The following WASHC5 variants were observed in gnomAD, a reference collection of about 807,000 sequenced individuals.
WASHC5 encodes the protein WASH complex subunit 5.
In WASHC5, 101 loss-of-function variants were observed where a neutral mutation model predicts 150.4. That is an observed-to-expected ratio of 0.67 (90% CI 0.57 to 0.79). WASHC5 has a LOEUF of 0.79. Ranked by LOEUF, WASHC5 falls within the 30% of genes least tolerant of loss-of-function variation. The pLI, the probability that WASHC5 is intolerant of heterozygous loss-of-function variation, is 0.00. For missense variants in WASHC5, 1,195 were observed against 1,396.3 expected, an observed-to-expected ratio of 0.86 and a Z score of 2.30; for synonymous variants, 467 against 491.2, an observed-to-expected ratio of 0.95 and a Z score of 0.65.
intron 27 of WASHC5, among the ~76,000 whole-genome samples, chr8:125,029,689 C>G (rs1188018488): frequency 6.6e-6 from 1 of 152,234 alleles, no homozygotes; most frequent in Non-Finnish European, 1.5e-5. Context: ...GGGAATACAG[C>G]AAAGTACATG....
At chr8:125,077,777 C>G (rs1177971676) in intron 6 of WASHC5, among the ~76,000 whole-genome samples, 2 of 152,172 alleles carry the variant, frequency 1.3e-5, no homozygotes, top group African/African-American at 2.4e-5. Context: ...TTGTGAGGAA[C>G]AGAGAAAATG....
rs1228580448 is a variant in WASHC5 at position 125,082,454 on chromosome 8, GATC to G, written c.343_345del (p.Asp115del). ...TGCTGAATATAAACCCCTTCATTGA[GATC>G]ATCTAGATATCTAGAAATAAAACCA... On this transcript the variant is annotated inframe_deletion, in exon 4 of 29. Coordinates refer to ENST00000318410, the MANE Select transcript of WASHC5 (RefSeq NM_014846.4). 6.4e-7 allele frequency: 1 copy of G among 1,559,320 alleles called. No homozygotes were observed. The highest frequency in any genetic ancestry group is 1.7e-5 in the Admixed American group (1 of 59,892).
intron 1 of WASHC5, among the ~76,000 whole-genome samples, chr8:125,089,481 G>A (rs572143679): frequency 6.6e-6 from 1 of 152,206 alleles, no homozygotes; most frequent in African/African-American, 2.4e-5. Context: ...ATTCTGGGCC[G>A]CATGTGGCCT....
chr8:125,035,453 T>C (rs896099032), intron 26 of WASHC5, among the ~76,000 whole-genome samples: 5 of 152,242 alleles, frequency 3.3e-5, no homozygotes, highest in African/African-American at 9.6e-5. Context: ...AATAATAACA[T>C]AGAACAGAGA....
At position 125,083,777 on chromosome 8, in the gene WASHC5, C is replaced by T. The variant is rs200850741; in HGVS notation, c.122G>A (p.Arg41Lys). The change falls in exon 2 of 29, where the codon AGG becomes AAG. Residue 41 changes from arginine to lysine, a missense_variant. Physicochemically the swap from Arg to Lys is conservative, Grantham distance 26 (BLOSUM62 2). This residue lies in a region of WASHC5 where 195 missense variants were observed against 206.9 expected (regional missense o/e 0.94). Coordinates refer to ENST00000318410, the MANE Select transcript of WASHC5 (RefSeq NM_014846.4). ...RLSEFIPAVF[R>K]LKDRADQQKY... ...CTGTTGATCAGCTCTGTCTTTTAAC[C>T]TGAACACAGCAGGAATAAACTCAGA... The T allele has an allele frequency of 9.7e-5, 157 of 1,613,732 alleles. No homozygotes were observed. Among genetic ancestry groups the T allele is most frequent in the Non-Finnish European group, 1.2e-4 (147 of 1,179,830 alleles).
intron 10 of WASHC5, among the ~76,000 whole-genome samples, chr8:125,063,915 T>C (rs1816673385): frequency 6.6e-6 from 1 of 152,114 alleles, no homozygotes; most frequent in Admixed American, 6.5e-5. Flanking sequence ...TTTCAGATTC[T>C]CAAGGCCCAC....
chr8:125,058,293 T>C (rs1816477437), intron 14 of WASHC5, among the ~76,000 whole-genome samples: 1 of 152,098 alleles, frequency 6.6e-6, no homozygotes, highest in African/African-American at 2.4e-5. Flanking sequence ...ATGCCTATAA[T>C]TAAAGCTACT....
rs536120968 is a variant in WASHC5 at position 125,078,704 on chromosome 8, T to C, written c.711+34A>G. The C allele has an allele frequency of 5.5e-5, 83 of 1,518,698 alleles. No homozygotes were observed. The Middle Eastern group carries it at 1.0e-3, about 19-fold the overall frequency. The allele number at this position is 1,518,698 out of a possible 1,614,324, so 94.1% of individuals were successfully genotyped here. The stretch of plus-strand genomic sequence containing the variant: ...GGGAAGTGAAATCAGTCTGTTAAAC[T>C]GTCTTAATAGGTCTTAATAGATTTA... On this transcript the variant is annotated intron_variant, in intron 6 of 28. Transcript: ENST00000318410.
intron 3 of WASHC5, 38 bp from the exon 4 acceptor site, chr8:125,082,505 A>G (rs1387307207): frequency 2.6e-6 from 3 of 1,132,608 alleles, no homozygotes; most frequent in Non-Finnish European, 4.0e-6. Flanking sequence ...TTAATTTATA[A>G]TAGAAACTTT....
intron 1 of WASHC5, among the ~76,000 whole-genome samples, chr8:125,091,080 GTCCGATCATAATCCTGAT>G (rs1817613199): frequency 6.6e-6 from 1 of 151,480 alleles, no homozygotes; most frequent in Admixed American, 6.6e-5. Flanking sequence ...TCTTTCTCCT[GTCCGATCATAATCCTGAT>G]TCCGATCCCA....
chr8:125,078,937 C>A lies in WASHC5; in HGVS notation c.519-7G>T, dbSNP rs576595198. 32 of 1,610,656 alleles carry A rather than the reference C, an allele frequency of 2.0e-5. No individual in the cohort carries two copies. In the African/African-American group the frequency reaches 3.6e-4, roughly 18 times the overall value. ...AGCAGAAGATCGAGCAGCACTGAGT[C>A]ATATTCACAATGGGAAACAAAGACC... On this transcript the variant is annotated splice_polypyrimidine_tract_variant and splice_region_variant and intron_variant, in intron 5 of 28. Coordinates refer to ENST00000318410, the MANE Select transcript of WASHC5 (RefSeq NM_014846.4).
At chr8:125,088,385 A>G (rs1346641263) in intron 1 of WASHC5, among the ~76,000 whole-genome samples, 2 of 147,146 alleles carry the variant, frequency 1.4e-5, no homozygotes, top group African/African-American at 5.0e-5. Flanking sequence ...AGATTGCACC[A>G]CTGCACTCCA....
chr8:125,089,185 A>C (rs1217023578), intron 1 of WASHC5, among the ~76,000 whole-genome samples: 1 of 152,226 alleles, frequency 6.6e-6, no homozygotes, highest in Non-Finnish European at 1.5e-5. Context: ...GGCTTGGGAA[A>C]GCAGAGAGGG....
At chr8:125,037,467 T>C in intron 25 of WASHC5, 134 bp from the exon 26 acceptor site, 1 of 680,750 alleles carries the variant, frequency 1.5e-6, no homozygotes, top group Non-Finnish European at 2.7e-6. Context: ...ATGGTTCCAT[T>C]AATTTGCTGC....
At chr8:125,048,462 G>C (rs1586350510) in intron 19 of WASHC5, among the ~76,000 whole-genome samples, 1 of 152,200 alleles carries the variant, frequency 6.6e-6, no homozygotes, top group South Asian at 2.1e-4. Flanking sequence ...ATTGGCATTA[G>C]AGAAATGCAA....
chr8:125,089,640 C>G (rs1817536847), intron 1 of WASHC5, among the ~76,000 whole-genome samples: 1 of 152,192 alleles, frequency 6.6e-6, no homozygotes, highest in East Asian at 1.9e-4. Flanking sequence ...AGTAACATTA[C>G]TTGCCCTTTA....
intron 8 of WASHC5, among the ~76,000 whole-genome samples, chr8:125,073,797 T>A (rs563245694): frequency 1.3e-5 from 2 of 152,380 alleles, no homozygotes; most frequent in African/African-American, 4.8e-5. Context: ...AACTTTGGTG[T>A]GACTTGGGGC....
At chr8:125,076,575 T>G in intron 6 of WASHC5, 75 bp from the exon 7 acceptor site, 5 of 1,556,764 alleles carry the variant, frequency 3.2e-6, no homozygotes, top group African/African-American at 1.4e-5. Flanking sequence ...TTAAACTCTC[T>G]GGTTGTAAGA....
rs1233029138 is a variant in WASHC5, at chr8:125,091,661, C to G, written c.-171G>C. 6.6e-6 allele frequency: 1 copy of G among 152,454 alleles called. No individual in the cohort carries two copies. Among genetic ancestry groups the G allele is most frequent in the Non-Finnish European group, 1.5e-5 (1 of 68,250 alleles). The allele number at this position is 152,454 out of a possible 1,614,324, so 9.4% of individuals were successfully genotyped here. A position where few individuals can be genotyped will look rare whatever the true frequency, so the allele number is the denominator to read the frequency against. The stretch of plus-strand genomic sequence containing the variant: ...GGCGCACGCGCAGGGCCGGAGGTCG[C>G]GCGCGGAGCCGGCACCCAGTTTCCA... On this transcript the variant is annotated 5_prime_UTR_variant, in exon 1 of 29. Transcript: ENST00000318410.
Sources: gnomAD v4.1 joint callset for allele counts (sites outside exome capture counted in the v4.1 genomes callset) on GRCh38, gnomAD v4.1.1 for gene constraint, gnomAD v4.1.1 regional missense constraint, MANE v1.5 for transcripts, NCBI Gene and HGNC (gene_info 2026-07-23, HGNC 2026-07-21) for gene names.